The following OCM variants were observed in gnomAD, a reference collection of about 807,000 sequenced individuals.
OCM encodes oncomodulin.
In OCM, 18 loss-of-function variants were observed where a neutral mutation model predicts 14.1. The ratio of observed to expected loss-of-function variants is 1.28; its 90% confidence interval spans 0.88 to 1.89. The LOEUF (loss-of-function observed/expected upper bound fraction) is 1.89, where lower values mean the gene tolerates loss of function less well. Among genes scored for constraint, OCM ranks in the 40% most tolerant of loss-of-function variants. The pLI, the probability that OCM is intolerant of heterozygous loss-of-function variation, is 0.00. For synonymous variants in OCM, 48 were observed against 51.0 expected (o/e 0.94, Z 0.25); for missense variants, 140 against 137.6 (o/e 1.02, Z -0.09).
chr7:5,867,191 T>C, the OCM span, among the ~76,000 whole-genome samples: 1 of 152,220 alleles, frequency 6.6e-6, no homozygotes, highest in Non-Finnish European at 1.5e-5. Flanking sequence ...GCATTGTTTC[T>C]GATCAGAAGT....
chr7:5,878,522 G>A (rs143528320), upstream of OCM, among the ~76,000 whole-genome samples: 132 of 151,578 alleles, frequency 8.7e-4, 1 homozygote, highest in Middle Eastern at 3.4e-3. Context: ...CGAGGTGGGC[G>A]GATCACGAGG....
At chr7:5,867,935 A>G in the OCM span, among the ~76,000 whole-genome samples, 1 of 151,830 alleles carries the variant, frequency 6.6e-6, no homozygotes, top group Admixed American at 6.6e-5. Context: ...ATGGGGTTCC[A>G]CCATGTTGTC....
At position 5,882,657 on chromosome 7, in the gene OCM, G is replaced by A. The variant is rs115649684; in HGVS notation, c.194+32G>A. ...TTTGTCCTGAGTCTGTCTGGTACCC[G>A]GCACTGCTGAGTGGGCCTGGGGTGC... On this transcript the variant is annotated intron_variant, in intron 2 of 3. Transcript: ENST00000242104. 4.1e-3 allele frequency: 6,603 copies of A among 1,612,104 alleles called. 257 individuals carry two copies. In the African/African-American group the frequency reaches 0.078, roughly 19 times the overall value.
At chr7:5,866,855 C>T in the OCM span, among the ~76,000 whole-genome samples, 3 of 152,286 alleles carry the variant, frequency 2.0e-5, no homozygotes, top group African/African-American at 4.8e-5. Context: ...TACCATGTAA[C>T]CCGCTCCCAC....
chr7:5,882,430 C>T, intron 1 of OCM, 63 bp from the exon 2 acceptor site: 1 of 1,567,500 alleles, frequency 6.4e-7, no homozygotes, highest in Non-Finnish European at 8.8e-7. Context: ...GTTTTTAGTA[C>T]CTTGGCCCCA....
chr7:5,863,026 A>G, the OCM span, among the ~76,000 whole-genome samples: 2 of 152,228 alleles, frequency 1.3e-5, no homozygotes, highest in East Asian at 3.8e-4. Context: ...CTCAAGATGA[A>G]TGCATCATGG....
chr7:5,874,969 C>A (rs1392734124), upstream of OCM, among the ~76,000 whole-genome samples: 1 of 151,868 alleles, frequency 6.6e-6, no homozygotes, highest in Non-Finnish European at 1.5e-5. Context: ...CTGTCTCTGT[C>A]AATTTGAATA....
intron 2 of OCM, 85 bp downstream of exon 2, chr7:5,882,710 T>C: frequency 6.6e-7 from 1 of 1,507,382 alleles, no homozygotes; most frequent in Non-Finnish European, 9.0e-7. Flanking sequence ...TCAGTATTTC[T>C]TCAATGGCCA....
upstream of OCM, among the ~76,000 whole-genome samples, chr7:5,877,841 AAAAG>A (rs1343308181): frequency 6.7e-6 from 1 of 149,190 alleles, no homozygotes; most frequent in Non-Finnish European, 1.5e-5. Flanking sequence ...AAAAAAAAAA[AAAAG>A]GAGATCCTGA....
intron 1 of OCM, among the ~76,000 whole-genome samples, chr7:5,881,180 G>A (rs10246244): frequency 0.29 from 44,396 of 151,554 alleles, 6,966 homozygotes; most frequent in Admixed American, 0.39. Flanking sequence ...TTAACCGGGC[G>A]TGGTGGTGGG....
intron 1 of OCM, 92 bp from the exon 2 acceptor site, chr7:5,882,401 A>G: frequency 7.0e-7 from 1 of 1,428,424 alleles, no homozygotes; most frequent in Non-Finnish European, 9.7e-7. Flanking sequence ...ATATTGTTGA[A>G]GTGTTTTTAA....
chr7:5,871,634 A>C, the OCM span: 1 of 152,170 alleles, frequency 6.6e-6, no homozygotes, highest in Non-Finnish European at 1.5e-5. Context: ...TGAGACCTGT[A>C]GTCTTCAGGG....
chr7:5,860,476 T>TGTATATATACGTGTATATATATTAC, the OCM span, among the ~76,000 whole-genome samples: 45 of 36,576 alleles, frequency 1.2e-3, 9 homozygotes, highest in Non-Finnish European at 4.3e-5. Flanking sequence ...TATATATACG[T>TGTATATATACGTGTATATATATTAC]GTATATATAC....
the OCM span, among the ~76,000 whole-genome samples, chr7:5,864,239 G>A: frequency 6.6e-6 from 1 of 151,560 alleles, no homozygotes; most frequent in Non-Finnish European, 1.5e-5. Flanking sequence ...CTGGTTGGGG[G>A]GGATGCTATG....
At chr7:5,883,223 C>T (rs907702507) in intron 2 of OCM, among the ~76,000 whole-genome samples, 54 of 152,136 alleles carry the variant, frequency 3.5e-4, no homozygotes, top group South Asian at 2.1e-4. Context: ...CAGTGGCTCA[C>T]GCCTGTAATT....
chr7:5,863,970 T>A, the OCM span, among the ~76,000 whole-genome samples: 6 of 151,498 alleles, frequency 4.0e-5, no homozygotes, highest in African/African-American at 1.5e-4. Flanking sequence ...GAAGGCAAGG[T>A]CATCTGCTGA....
At chr7:5,860,458 T>TATA in the OCM span, among the ~76,000 whole-genome samples, 1 of 126,526 alleles carries the variant, frequency 7.9e-6, no homozygotes, top group Non-Finnish European at 1.6e-5. Context: ...TGTATGTATA[T>TATA]TATTACGTAT....
chr7:5,882,085 CAAAAAAAAAAAAAAAAAAAA>C lies in OCM; in HGVS notation c.62-393_62-374del, dbSNP rs60321561. Among the ~76,000 whole-genome samples, 2 of 45,962 alleles carry C rather than the reference CAAAAAAAAAAAAAAAAAAAA, an allele frequency of 4.4e-5. 1 individual carries two copies. Among genetic ancestry groups the C allele is most frequent in the African/African-American group, 1.9e-4 (2 of 10,644 alleles). The allele number at this position is 45,962 out of a possible 152,430, so 30.2% of individuals were successfully genotyped here. On this transcript the variant is annotated intron_variant, in intron 1 of 3. Transcript: ENST00000242104. ...CTGGTGACAGAGTGAGACTCTGTCT[CAAAAAAAAAAAAAAAAAAAA>C]AAAAAAAAAAAAAAGCGCCAAAGGC...
chr7:5,871,705 C>T, the OCM span: 8 of 151,998 alleles, frequency 5.3e-5, no homozygotes, highest in African/African-American at 1.9e-4. Flanking sequence ...TAGTGAAATT[C>T]TTTGAACAAG....
Sources: allele counts gnomAD v4.1 joint callset (sites outside exome capture counted in the v4.1 genomes callset), GRCh38; gene constraint gnomAD v4.1.1; transcripts MANE v1.5; gene names NCBI Gene and HGNC (gene_info 2026-07-23, HGNC 2026-07-21).